Variants in DHX57 observed in about 807,000 individuals in gnomAD.
The protein encoded by DHX57 is DExH-box helicase 57.
In DHX57, 105 loss-of-function variants were observed where a neutral mutation model predicts 156.2. The ratio of observed to expected loss-of-function variants is 0.67; its 90% CI spans 0.57 to 0.79. The LOEUF is 0.79. Ranked by LOEUF, DHX57 falls within the 30% of genes least tolerant of loss-of-function variation. The probability of loss-of-function intolerance (pLI) is 0.00; values close to 1 mark genes in which losing one functional copy is unlikely to be tolerated. For missense variants in DHX57, 1,847 were observed against 1,661.9 expected, an observed-to-expected ratio of 1.11 and a Z score of -1.94; for synonymous variants, 704 against 595.6, an observed-to-expected ratio of 1.18 and a Z score of -2.65.
intron 2 of DHX57, 32 bp from the exon 3 acceptor site, chr2:38,863,551 A>G: frequency 6.3e-7 from 1 of 1,599,458 alleles, no homozygotes; most frequent in African/African-American, 1.3e-5. Context: ...AATTACACAC[A>G]TATCTTCAAT....
chr2:38,850,407 G>C (rs1672522918), intron 9 of DHX57, among the ~76,000 whole-genome samples: 2 of 152,104 alleles, frequency 1.3e-5, no homozygotes, highest in South Asian at 2.1e-4. Context: ...AGCCTCCTGA[G>C]TAGCTGGGGC....
intron 11 of DHX57, among the ~76,000 whole-genome samples, chr2:38,846,675 CTGTT>C (rs1489157982): frequency 6.0e-5 from 9 of 150,830 alleles, no homozygotes; most frequent in Admixed American, 2.6e-4. Flanking sequence ...TATTGGCAGT[CTGTT>C]TGCTGAAAGA....
intron 1 of DHX57, among the ~76,000 whole-genome samples, chr2:38,870,833 T>G (rs1032911822): frequency 4.0e-5 from 6 of 151,562 alleles, no homozygotes; most frequent in African/African-American, 1.5e-4. Context: ...GAGCCGAGAT[T>G]GCGCCACTGC....
In DHX57 at chr2:38,856,358, A is replaced by G. The variant is rs1001935488; in HGVS notation, c.1691T>C (p.Val564Ala). 9.3e-6 allele frequency: 15 copies of G among 1,610,990 alleles called. No homozygotes were observed. Among genetic ancestry groups the G allele is most frequent in the Non-Finnish European group, 1.3e-5 (15 of 1,179,326 alleles). Residue 564 changes from valine (V) to alanine (A), a missense_variant, in exon 7 of 24, where the codon GTC becomes GCC. Physicochemically the swap from Val to Ala is moderately conservative, Grantham distance 64. Coordinates refer to ENST00000457308, the MANE Select transcript of DHX57 (RefSeq NM_198963.3). ...TTCTTACCCAGTCATACCACTTATG[A>G]CAACCACCTGGTGCTTACGCAATAA... is the stretch of plus-strand genomic sequence containing the variant. ...LNLLRKHQVV[V>A]ISGMTGCGKT...
At chr2:38,853,937 T>G (rs1471057966) in intron 9 of DHX57, 117 bp downstream of exon 9, 9 of 1,045,360 alleles carry the variant, frequency 8.6e-6, no homozygotes, top group Non-Finnish European at 1.1e-5. Flanking sequence ...TAGGCCTTCC[T>G]TGTGGCAAAT....
rs964397843 is a variant in DHX57 at position 38,848,503 on chromosome 2, T to C, written c.2031-101A>G. Reference sequence around the variant, plus strand: ...GAGCAAGAAATGTGTAAGATCTCTGTGAAAAAAAAAAACCATTAACGTTCA... The same window carrying C: ...GAGCAAGAAATGTGTAAGATCTCTGCGAAAAAAAAAAACCATTAACGTTCA... On this transcript the variant is annotated intron_variant, in intron 9 of 23. Transcript: ENST00000457308. 11 of 1,234,952 alleles carry C rather than the reference T, an allele frequency of 8.9e-6. No individual in the cohort carries two copies. The African/African-American group carries it at 1.2e-4, about 14-fold the overall frequency. The allele number at this position is 1,234,952 out of a possible 1,614,324, so 76.5% of individuals were successfully genotyped here.
In DHX57 at chr2:38,833,995, G is replaced by A. The variant is rs181527497; in HGVS notation, c.2542+3836C>T. Among the ~76,000 whole-genome samples the A allele has an allele frequency of 3.5e-4, 53 of 152,142 alleles. No homozygotes were observed. In the South Asian group the frequency reaches 6.6e-3, roughly 19 times the overall value. On this transcript the variant is annotated intron_variant, in intron 13 of 23. Transcript: ENST00000457308. Reference sequence around the variant, plus strand: ...CACATACTTATGGACCATACCTGGCGCCATTTGCATCTAGAGAAATGTGAA... The same window carrying A: ...CACATACTTATGGACCATACCTGGCACCATTTGCATCTAGAGAAATGTGAA...
At chr2:38,816,507 C>T (rs373184764) in intron 19 of DHX57, among the ~76,000 whole-genome samples, 141 of 152,294 alleles carry the variant, frequency 9.3e-4, no homozygotes, top group African/African-American at 3.0e-3. Context: ...TGAGCCACCA[C>T]GCCCGGCCAT....
intron 22 of DHX57, among the ~76,000 whole-genome samples, chr2:38,803,692 C>G (rs761523153): frequency 1.5e-4 from 22 of 151,210 alleles, no homozygotes; most frequent in Non-Finnish European, 2.9e-4. Context: ...TTTCATCATG[C>G]TGGCCAGGCT....
chr2:38,811,466 G>T, intron 21 of DHX57: 4 of 653,468 alleles, frequency 6.1e-6, no homozygotes, highest in East Asian at 6.2e-5. Flanking sequence ...CCTTGCTGAC[G>T]TCCTCAATGA....
chr2:38,812,796 G>A (rs1384031008), intron 21 of DHX57, among the ~76,000 whole-genome samples: 1 of 151,972 alleles, frequency 6.6e-6, no homozygotes, highest in Non-Finnish European at 1.5e-5. Context: ...GCCTCCCAAA[G>A]TGCTTGGATT....
intron 1 of DHX57, among the ~76,000 whole-genome samples, chr2:38,873,834 C>T (rs1665465586): frequency 6.6e-6 from 1 of 152,018 alleles, no homozygotes; most frequent in Non-Finnish European, 1.5e-5. Context: ...AAAAAAAACC[C>T]CCGAGGCAGT....
At chr2:38,856,566 C>T (rs1487283998) in intron 6 of DHX57, 105 bp from the exon 7 acceptor site, 7 of 1,377,550 alleles carry the variant, frequency 5.1e-6, no homozygotes, top group East Asian at 5.1e-5. Flanking sequence ...TGCAGTGGTG[C>T]GATCACGGCT....
At chr2:38,875,109 C>A (rs757405903) in intron 1 of DHX57, among the ~76,000 whole-genome samples, 6 of 152,170 alleles carry the variant, frequency 3.9e-5, no homozygotes, top group Non-Finnish European at 5.9e-5. Flanking sequence ...ACATTTTAAA[C>A]GAAGATTTAC....
intron 4 of DHX57, 109 bp downstream of exon 4, chr2:38,862,036 T>C: frequency 1.5e-6 from 2 of 1,324,840 alleles, no homozygotes; most frequent in East Asian, 5.0e-5. Context: ...CTATCAGGCA[T>C]TGCTGGAACC....
chr2:38,872,478 T>C (rs910347243), intron 1 of DHX57, among the ~76,000 whole-genome samples: 3 of 152,210 alleles, frequency 2.0e-5, no homozygotes, highest in Admixed American at 2.0e-4. Flanking sequence ...ATATATTCTG[T>C]CTGCAGGAGA....
At chr2:38,804,006 T>G (rs1388644245) in intron 22 of DHX57, among the ~76,000 whole-genome samples, 1 of 152,072 alleles carries the variant, frequency 6.6e-6, no homozygotes, top group Non-Finnish European at 1.5e-5. Context: ...GGTCTCAAAC[T>G]CCTGACCTCA....
At chr2:38,859,726 C>G (rs908074870) in intron 5 of DHX57, among the ~76,000 whole-genome samples, 8 of 151,870 alleles carry the variant, frequency 5.3e-5, no homozygotes, top group Non-Finnish European at 1.2e-4. Context: ...CTGTTCTCTA[C>G]TCATTGAAGT....
At position 38,842,990 on chromosome 2, in the gene DHX57, C is replaced by A. The variant is rs752336622; in HGVS notation, c.2425+15G>T. 6.2e-7 allele frequency: 1 copy of A among 1,611,180 alleles called. No homozygotes were observed. Among genetic ancestry groups the A allele is most frequent in the South Asian group, 1.1e-5 (1 of 90,972 alleles). On this transcript the variant is annotated intron_variant, in intron 12 of 23. Transcript: ENST00000457308. ...CTTTGGCATAATTATAATATTCCCC[C>A]AAGAGGCATGTTACCTTTATAGCGG...
Sources: gnomAD v4.1 joint callset for allele counts (sites outside exome capture counted in the v4.1 genomes callset) on GRCh38, gnomAD v4.1.1 for gene constraint, MANE v1.5 for transcripts, NCBI Gene and HGNC (gene_info 2026-07-23, HGNC 2026-07-21) for gene names.